UBE3D: variants seen among roughly 807,000 people sequenced by gnomAD.
UBE3D encodes ubiquitin protein ligase E3D, also known as E3 ubiquitin-protein ligase E3D.
A neutral mutation model predicts 49.6 loss-of-function variants in UBE3D; 48 were observed. That is an observed-to-expected ratio of 0.97 (90% CI 0.77 to 1.23). The LOEUF (loss-of-function observed/expected upper bound fraction) is 1.23. Ranked by LOEUF, UBE3D falls within the 50% of genes most tolerant of loss-of-function variation. The probability of loss-of-function intolerance (pLI) is 0.00; values close to 1 mark genes in which losing one functional copy is unlikely to be tolerated. For missense variants in UBE3D, 452 were observed against 468.4 expected (o/e 0.96, Z 0.32); for synonymous variants, 189 against 174.2 (o/e 1.08, Z -0.67).
At chr6:82,908,376 G>T (rs1772256097) in intron 9 of UBE3D, among the ~76,000 whole-genome samples, 1 of 152,080 alleles carries the variant, frequency 6.6e-6, no homozygotes, top group South Asian at 2.1e-4. Flanking sequence ...AGAGGCCCGG[G>T]ATGAACAGGA....
chr6:82,881,615 C>T, the UBE3D span, among the ~76,000 whole-genome samples: 29 of 152,298 alleles, frequency 1.9e-4, no homozygotes, highest in African/African-American at 6.5e-4. Flanking sequence ...AGGCTGAGTG[C>T]TCTACAGTTT....
At chr6:83,007,740 T>C (rs1338587488) in intron 8 of UBE3D, among the ~76,000 whole-genome samples, 1 of 152,034 alleles carries the variant, frequency 6.6e-6, no homozygotes, top group Non-Finnish European at 1.5e-5. Context: ...AGCCCAGCAG[T>C]TCGAGATAAG....
intron 8 of UBE3D, among the ~76,000 whole-genome samples, chr6:83,001,214 A>C (rs775603670): frequency 1.3e-5 from 2 of 152,142 alleles, no homozygotes; most frequent in Non-Finnish European, 2.9e-5. Flanking sequence ...TCATAGCACC[A>C]TTTATCTCTT....
intron 8 of UBE3D, among the ~76,000 whole-genome samples, chr6:82,986,595 T>C (rs1302480419): frequency 6.7e-6 from 1 of 149,978 alleles, no homozygotes; most frequent in African/African-American, 2.4e-5. Context: ...TGTGTTATTG[T>C]ACATGGGGTC....
chr6:82,978,049 A>C (rs1355761950), intron 8 of UBE3D, among the ~76,000 whole-genome samples: 1 of 151,892 alleles, frequency 6.6e-6, no homozygotes, highest in Non-Finnish European at 1.5e-5. Flanking sequence ...CCTCTCTCTC[A>C]TGCCCCACAT....
At chr6:83,004,828 A>C (rs1201297442) in intron 8 of UBE3D, among the ~76,000 whole-genome samples, 1 of 152,166 alleles carries the variant, frequency 6.6e-6, no homozygotes, top group African/African-American at 2.4e-5. Context: ...ATTTCCTCTA[A>C]ATCTTCTCAA....
downstream of UBE3D, among the ~76,000 whole-genome samples, chr6:82,889,103 G>T (rs928792140): frequency 3.3e-5 from 5 of 152,030 alleles, no homozygotes; most frequent in Non-Finnish European, 7.4e-5. Context: ...TCTTAAATAA[G>T]CATCTAGTGG....
intron 8 of UBE3D, among the ~76,000 whole-genome samples, chr6:82,971,264 CTA>C (rs1157712252): frequency 2.0e-5 from 3 of 152,020 alleles, no homozygotes; most frequent in Non-Finnish European, 4.4e-5. Context: ...CACATTTTTA[CTA>C]TGTTCTATTA....
intron 3 of UBE3D, among the ~76,000 whole-genome samples, chr6:83,046,672 C>CTG (rs144340435): frequency 9.5e-6 from 1 of 105,054 alleles, no homozygotes; most frequent in Non-Finnish European, 1.8e-5. Flanking sequence ...TTGCAGTTGG[C>CTG]GGGGGGGGTG....
chr6:83,040,097 A>G (rs150558609), intron 4 of UBE3D, among the ~76,000 whole-genome samples: 1 of 152,196 alleles, frequency 6.6e-6, no homozygotes, highest in Non-Finnish European at 1.5e-5. Flanking sequence ...AAAAAAATAT[A>G]TTCAATGCTG....
chr6:82,986,099 T>C (rs1778471345), intron 8 of UBE3D, among the ~76,000 whole-genome samples: 1 of 152,196 alleles, frequency 6.6e-6, no homozygotes, highest in East Asian at 1.9e-4. Context: ...AGTTTGTGTA[T>C]TAACTTAGGT....
chr6:82,905,928 CA>C (rs1415680970), intron 9 of UBE3D, among the ~76,000 whole-genome samples: 8 of 152,152 alleles, frequency 5.3e-5, no homozygotes, highest in Admixed American at 3.3e-4. Context: ...AGCTCACGGC[CA>C]TTGGTTTCAT....
At chr6:82,914,714 A>C (rs985129233) in intron 9 of UBE3D, among the ~76,000 whole-genome samples, 1 of 152,168 alleles carries the variant, frequency 6.6e-6, no homozygotes, top group African/African-American at 2.4e-5. Context: ...TTGAAAAAAT[A>C]ATTTATAGCA....
At chr6:82,915,686 T>C (rs1324557118) in intron 9 of UBE3D, among the ~76,000 whole-genome samples, 1 of 152,218 alleles carries the variant, frequency 6.6e-6, no homozygotes, top group African/African-American at 2.4e-5. Flanking sequence ...TATTCTATCA[T>C]TGAACAGCTG....
chr6:82,954,190 G>A (rs929537820), intron 9 of UBE3D, among the ~76,000 whole-genome samples: 14 of 152,130 alleles, frequency 9.2e-5, no homozygotes, highest in Admixed American at 3.3e-4. Context: ...AGCAGGAAGC[G>A]ACATGATAAG....
At chr6:82,960,641 G>C (rs1440268166) in intron 8 of UBE3D, among the ~76,000 whole-genome samples, 1 of 151,556 alleles carries the variant, frequency 6.6e-6, no homozygotes, top group Admixed American at 6.6e-5. Context: ...GGAAACAAAT[G>C]CCTTACTAGT....
chr6:83,033,429 C>G (rs1007400274), intron 5 of UBE3D, among the ~76,000 whole-genome samples: 2 of 152,098 alleles, frequency 1.3e-5, no homozygotes, highest in African/African-American at 4.8e-5. Context: ...ACCCAAATCT[C>G]CTGCTGAATT....
chr6:82,904,590 G>T (rs1311103623), intron 9 of UBE3D, among the ~76,000 whole-genome samples: 1 of 152,202 alleles, frequency 6.6e-6, no homozygotes, highest in Non-Finnish European at 1.5e-5. Flanking sequence ...CACAGATGAG[G>T]CCTTTGATAA....
intron 5 of UBE3D, among the ~76,000 whole-genome samples, chr6:83,029,118 T>C (rs938253634): frequency 8.5e-5 from 13 of 152,352 alleles, no homozygotes; most frequent in African/African-American, 2.6e-4. Flanking sequence ...TACAGGTTCA[T>C]TGAAATTCTT....
Sources: allele counts gnomAD v4.1 joint callset (sites outside exome capture counted in the v4.1 genomes callset), GRCh38; gene constraint gnomAD v4.1.1; transcripts MANE v1.5; gene names NCBI Gene and HGNC (gene_info 2026-07-23, HGNC 2026-07-21).